Variants in TANC1 observed in about 807,000 individuals in gnomAD.
TANC1 encodes the protein protein TANC1.
Under a neutral mutation model 149.7 loss-of-function variants are expected in TANC1, and 77 were observed. That is an observed-to-expected ratio of 0.51 (90% CI 0.43 to 0.62). The LOEUF (loss-of-function observed/expected upper bound fraction) is 0.62, where lower values mean the gene tolerates loss of function less well. TANC1 is among the 20% of genes least tolerant of loss of function. The pLI, the probability that TANC1 is intolerant of heterozygous loss-of-function variation, is 0.00. For synonymous variants in TANC1, 854 were observed against 925.0 expected, an observed-to-expected ratio of 0.92 and a Z score of 1.39; for missense variants, 1,985 against 2,321.8, an observed-to-expected ratio of 0.85 and a Z score of 2.98.
At chr2:159,128,175 G>T (rs372158728) in intron 4 of TANC1, among the ~76,000 whole-genome samples, 4 of 152,270 alleles carry the variant, frequency 2.6e-5, no homozygotes, top group African/African-American at 9.6e-5. Context: ...ATTAGGATGA[G>T]GTCCCAGTAG....
At position 159,097,840 on chromosome 2, in the gene TANC1, C is replaced by A; in HGVS notation, c.259+6C>A. 1 of 1,609,832 alleles carries A rather than the reference C, an allele frequency of 6.2e-7. No homozygotes were observed. The highest frequency in any genetic ancestry group is 1.1e-5 in the South Asian group (1 of 91,034). On this transcript the variant is annotated splice_donor_region_variant and intron_variant, in intron 4 of 26. Coordinates refer to ENST00000263635, the MANE Select transcript of TANC1 (RefSeq NM_033394.3). ...AGTGAACAAAAAATCCCCAGGTAAA[C>A]AGGCAATGAAGGAGCTGCCTTGGTT...
intron 16 of TANC1, among the ~76,000 whole-genome samples, chr2:159,188,490 C>T (rs1391588711): frequency 1.3e-5 from 2 of 152,238 alleles, no homozygotes; most frequent in Non-Finnish European, 2.9e-5. Context: ...TTTTGTTGTA[C>T]CATCTCATAG....
Position 159,148,983 on chromosome 2 carries a change from A to C in TANC1, c.365-159A>C, listed in dbSNP as rs544622587. The C allele has an allele frequency of 2.5e-5, 19 of 752,158 alleles. No homozygotes were observed. In the African/African-American group the frequency reaches 3.3e-4, roughly 13 times the overall value. The allele number at this position is 752,158 out of a possible 1,614,324, so 46.6% of individuals were successfully genotyped here. A position where few individuals can be genotyped will look rare whatever the true frequency, so the allele number is the denominator to read the frequency against. On this transcript the variant is annotated intron_variant, in intron 5 of 26. Transcript: ENST00000263635. ...TAACCTGTCACAGTCCCTTAATTAGAATGTATTGCTAGAGGACAGGGTGCG... is the reference window on the plus strand; with the variant it reads ...TAACCTGTCACAGTCCCTTAATTAGCATGTATTGCTAGAGGACAGGGTGCG...
At chr2:159,228,427 C>A in intron 25 of TANC1, 1 of 248,954 alleles carries the variant, frequency 4.0e-6, no homozygotes, top group Admixed American at 5.5e-5. Context: ...GTACTTCCTA[C>A]CTTTTTTTTA....
intron 14 of TANC1, among the ~76,000 whole-genome samples, chr2:159,182,721 G>C (rs772215771): frequency 6.6e-5 from 10 of 152,130 alleles, no homozygotes; most frequent in Non-Finnish European, 1.2e-4. Flanking sequence ...TTTTAAACAA[G>C]GACACTTAGT....
intron 4 of TANC1, among the ~76,000 whole-genome samples, chr2:159,109,778 C>G (rs1293435255): frequency 6.6e-6 from 1 of 152,180 alleles, no homozygotes; most frequent in African/African-American, 2.4e-5. Flanking sequence ...GTCAGGCTGA[C>G]TGTCACAGTA....
intron 11 of TANC1, 89 bp from the exon 12 acceptor site, chr2:159,174,864 G>T: frequency 1.0e-6 from 1 of 978,014 alleles, no homozygotes; most frequent in Non-Finnish European, 1.6e-6. Context: ...TGTTACCAGC[G>T]AATGGGCAGA....
chr2:159,146,123 G>A (rs2052052209), intron 5 of TANC1, among the ~76,000 whole-genome samples: 1 of 152,164 alleles, frequency 6.6e-6, no homozygotes, highest in South Asian at 2.1e-4. Context: ...CCATTTCACA[G>A]CGTGTCCATG....
At chr2:159,027,899 G>A (rs2039474924) in intron 2 of TANC1, among the ~76,000 whole-genome samples, 1 of 152,142 alleles carries the variant, frequency 6.6e-6, no homozygotes, top group African/African-American at 2.4e-5. Context: ...TTCATAACGT[G>A]GTAGAAGGTA....
chr2:158,973,861 A>G (rs1222957328), intron 1 of TANC1, among the ~76,000 whole-genome samples: 1 of 152,214 alleles, frequency 6.6e-6, no homozygotes, highest in African/African-American at 2.4e-5. Context: ...CTGAATTGCT[A>G]TGTACACAGA....
At chr2:159,215,798 G>A (rs2059304451) in intron 19 of TANC1, among the ~76,000 whole-genome samples, 3 of 152,208 alleles carry the variant, frequency 2.0e-5, no homozygotes, top group Non-Finnish European at 4.4e-5. Flanking sequence ...TTCAATCCTT[G>A]TTAAGTTTGT....
chr2:159,004,331 T>C lies in TANC1; in HGVS notation c.-16+3142T>C, dbSNP rs2036927420. The stretch of plus-strand genomic sequence containing the variant: ...AGAATGAAGCTAACTAAAAGTTTGG[T>C]TTTTGGAAGCTGGCATGGACTAGAT... On this transcript the variant is annotated intron_variant, in intron 2 of 26. Coordinates refer to ENST00000263635, the MANE Select transcript of TANC1 (RefSeq NM_033394.3). The C allele has an allele frequency of 1.9e-6, 3 of 1,610,604 alleles. No individual in the cohort carries two copies. The Admixed American group carries it at 5.0e-5, about 27-fold the overall frequency.
intron 19 of TANC1, among the ~76,000 whole-genome samples, chr2:159,213,208 A>G (rs2059119051): frequency 6.6e-6 from 1 of 152,180 alleles, no homozygotes; most frequent in Non-Finnish European, 1.5e-5. Flanking sequence ...GCGAAAAGGC[A>G]TATTTTGGGG....
At chr2:159,095,547 C>T (rs1452940513) in intron 3 of TANC1, among the ~76,000 whole-genome samples, 4 of 151,912 alleles carry the variant, frequency 2.6e-5, no homozygotes, top group African/African-American at 9.7e-5. Context: ...ACCAGCCTGA[C>T]CAACATGGTG....
intron 8 of TANC1, among the ~76,000 whole-genome samples, 197 bp downstream of exon 8, chr2:159,163,743 C>G (rs974378587): frequency 1.3e-5 from 2 of 152,172 alleles, no homozygotes; most frequent in African/African-American, 4.8e-5. Flanking sequence ...AGTGATCCTT[C>G]TGCTCTGGAA....
intron 19 of TANC1, among the ~76,000 whole-genome samples, chr2:159,207,211 A>G (rs2058665571): frequency 1.3e-5 from 2 of 152,270 alleles, no homozygotes; most frequent in South Asian, 4.1e-4. Flanking sequence ...TGGCTGTGGA[A>G]TGCCATGTGG....
intron 3 of TANC1, among the ~76,000 whole-genome samples, chr2:159,092,159 C>T (rs913310097): frequency 6.6e-5 from 10 of 152,168 alleles, no homozygotes; most frequent in Non-Finnish European, 1.5e-4. Context: ...AAGCTTCTAT[C>T]GCCCCACCCC....
In TANC1 at chr2:158,975,651, G is replaced by A. The variant is rs375204614; in HGVS notation, c.-126+6869G>A. ...GGGTCTCACCATGTTGCCCAGGCTC[G>A]TCTCGAACTCCTGGCCTCAAGCAAT... is the stretch of plus-strand genomic sequence containing the variant. On this transcript the variant is annotated intron_variant, in intron 1 of 26. Transcript: ENST00000263635. Among the ~76,000 whole-genome samples the A allele has an allele frequency of 2.8e-4, 43 of 151,182 alleles. 1 individual carries two copies. In the South Asian group the frequency reaches 8.8e-3, roughly 31 times the overall value.
intron 4 of TANC1, among the ~76,000 whole-genome samples, chr2:159,100,437 A>G (rs897685895): frequency 6.6e-6 from 1 of 152,184 alleles, no homozygotes; most frequent in East Asian, 1.9e-4. Flanking sequence ...TCTTTTTTCA[A>G]GAAAATATCC....
Sources: allele counts gnomAD v4.1 joint callset (sites outside exome capture counted in the v4.1 genomes callset), GRCh38; gene constraint gnomAD v4.1.1; transcripts MANE v1.5; gene names NCBI Gene and HGNC (gene_info 2026-07-23, HGNC 2026-07-21).